SEPTIN10: variants seen among roughly 807,000 people sequenced by gnomAD.
SEPTIN10 encodes the protein septin 10.
A neutral mutation model predicts 54.8 loss-of-function variants in SEPTIN10; 66 were observed. That is an observed-to-expected ratio of 1.21 (90% CI 0.99 to 1.48). SEPTIN10 has a LOEUF of 1.48. Ranked by LOEUF, SEPTIN10 falls within the 40% of genes most tolerant of loss-of-function variation. The probability of loss-of-function intolerance (pLI) is 0.00; values close to 1 mark genes in which losing one functional copy is unlikely to be tolerated. For missense variants in SEPTIN10, 620 were observed against 545.6 expected (o/e 1.14, Z -1.36); for synonymous variants, 161 against 181.0 (o/e 0.89, Z 0.89).
intron 8 of SEPTIN10, among the ~76,000 whole-genome samples, chr2:109,558,892 CT>C (rs148332223): frequency 3.6e-4 from 53 of 147,642 alleles, no homozygotes; most frequent in African/African-American, 6.9e-4. Context: ...GATATAAATT[CT>C]TTTTTTTTTT....
At chr2:109,582,059 A>C in intron 4 of SEPTIN10, among the ~76,000 whole-genome samples, 1 of 146,200 alleles carries the variant, frequency 6.8e-6, no homozygotes, top group East Asian at 2.0e-4. Context: ...TCAAGAACAC[A>C]ATGCCATGTA....
At chr2:109,578,158 C>G (rs1400234879) in intron 4 of SEPTIN10, among the ~76,000 whole-genome samples, 1 of 151,696 alleles carries the variant, frequency 6.6e-6, no homozygotes, top group Non-Finnish European at 1.5e-5. Flanking sequence ...ACAGGAAACA[C>G]AAAAAAGATG....
chr2:109,571,851 A>T (rs1003656721), intron 5 of SEPTIN10, among the ~76,000 whole-genome samples: 7 of 152,206 alleles, frequency 4.6e-5, no homozygotes, highest in African/African-American at 1.7e-4. Context: ...TTTATTCCTG[A>T]AAATCCACTA....
intron 2 of SEPTIN10, among the ~76,000 whole-genome samples, chr2:109,592,564 G>A (rs1299876144): frequency 6.6e-6 from 1 of 151,970 alleles, no homozygotes; most frequent in Non-Finnish European, 1.5e-5. Flanking sequence ...CAGATCACTT[G>A]AGGTCAGGAG....
At chr2:109,602,300 C>T (rs1012862396) in intron 1 of SEPTIN10, among the ~76,000 whole-genome samples, 1 of 146,322 alleles carries the variant, frequency 6.8e-6, no homozygotes, top group African/African-American at 2.6e-5. Flanking sequence ...AGATTAAGGA[C>T]AATAAAATTA....
At chr2:109,613,412 AG>A in intron 1 of SEPTIN10, 1 of 324,058 alleles carries the variant, frequency 3.1e-6, no homozygotes, top group East Asian at 7.4e-5. Context: ...GAGGCTCGGA[AG>A]TGCTCACGGC....
chr2:109,565,981 C>T, intron 6 of SEPTIN10, 122 bp from the exon 7 acceptor site: 1 of 868,352 alleles, frequency 1.2e-6, no homozygotes, highest in Non-Finnish European at 1.9e-6. Context: ...GAATGGTCAG[C>T]TATGCCTCAG....
chr2:109,566,666 A>G (rs1687113498), intron 6 of SEPTIN10, among the ~76,000 whole-genome samples: 1 of 152,108 alleles, frequency 6.6e-6, no homozygotes, highest in African/African-American at 2.4e-5. Flanking sequence ...GAGAGGAGTG[A>G]GAGATCACTA....
chr2:109,566,232 T>G (rs1267387515), intron 6 of SEPTIN10, among the ~76,000 whole-genome samples: 1 of 152,088 alleles, frequency 6.6e-6, no homozygotes, highest in South Asian at 2.1e-4. Context: ...GTGATTCTCC[T>G]ACCTCAGCCT....
At chr2:109,548,711 G>A (rs1681989359) in intron 9 of SEPTIN10, among the ~76,000 whole-genome samples, 1 of 141,034 alleles carries the variant, frequency 7.1e-6, no homozygotes, top group South Asian at 2.4e-4. Flanking sequence ...GGGAGGCCGA[G>A]GTTGCAGTGA....
At chr2:109,564,705 T>C (rs191470654) in intron 7 of SEPTIN10, among the ~76,000 whole-genome samples, 171 bp from the exon 8 acceptor site, 1 of 152,218 alleles carries the variant, frequency 6.6e-6, no homozygotes, top group African/African-American at 2.4e-5. Context: ...GAAGAAACTC[T>C]TGCAGTATAA....
At chr2:109,589,324 G>A (rs986827687) in intron 2 of SEPTIN10, among the ~76,000 whole-genome samples, 1 of 152,070 alleles carries the variant, frequency 6.6e-6, no homozygotes, top group African/African-American at 2.4e-5. Context: ...CTTGAGGCCA[G>A]GAGTTTGAAA....
chr2:109,575,994 C>T (rs927487771), intron 4 of SEPTIN10, among the ~76,000 whole-genome samples: 2 of 152,122 alleles, frequency 1.3e-5, no homozygotes, highest in Non-Finnish European at 1.5e-5. Context: ...CAGTGGCTCA[C>T]ATCTGTAATC....
intron 5 of SEPTIN10, among the ~76,000 whole-genome samples, chr2:109,572,852 T>C (rs1414907194): frequency 1.3e-5 from 2 of 152,122 alleles, no homozygotes; most frequent in African/African-American, 4.8e-5. Context: ...CCTGACCTTG[T>C]GATCCGCCTG....
intron 10 of SEPTIN10, chr2:109,544,701 T>A: frequency 1.2e-6 from 1 of 858,624 alleles, no homozygotes; most frequent in South Asian, 5.4e-5. Flanking sequence ...ATCCAAAGCA[T>A]GTTGAAAAGC....
intron 1 of SEPTIN10, among the ~76,000 whole-genome samples, chr2:109,599,228 C>T (rs1696024417): frequency 6.6e-6 from 1 of 151,984 alleles, no homozygotes; most frequent in Non-Finnish European, 1.5e-5. Flanking sequence ...GAGGCCAAGA[C>T]CGGTGGATCA....
intron 4 of SEPTIN10, among the ~76,000 whole-genome samples, chr2:109,580,357 A>G (rs1690822997): frequency 6.6e-6 from 1 of 151,832 alleles, no homozygotes. Context: ...TGCAAAAAAA[A>G]AAAAAAAATC....
chr2:109,574,367 G>A (rs1438826133), intron 5 of SEPTIN10, among the ~76,000 whole-genome samples: 1 of 147,112 alleles, frequency 6.8e-6, no homozygotes, highest in Non-Finnish European at 1.5e-5. Context: ...GATCGTTTGA[G>A]CCCACGGGTT....
Position 109,584,274 on chromosome 2 carries a change from C to A in SEPTIN10, c.413+852G>T, listed in dbSNP as rs1027678784. Among the ~76,000 whole-genome samples, 9 of 147,818 alleles carry A rather than the reference C, an allele frequency of 6.1e-5. No individual in the cohort carries two copies. In the Admixed American group the frequency reaches 6.2e-4, roughly 10 times the overall value. ...GGTAGATCACCTGAGGTCAGGAGGTCGAGACCAGCCTGGCCAACAAGGTGA... is the reference window on the plus strand; with the variant it reads ...GGTAGATCACCTGAGGTCAGGAGGTAGAGACCAGCCTGGCCAACAAGGTGA... On this transcript the variant is annotated intron_variant, in intron 4 of 10. Transcript: ENST00000397712.
Sources: gnomAD v4.1 joint callset for allele counts (sites outside exome capture counted in the v4.1 genomes callset) on GRCh38, gnomAD v4.1.1 for gene constraint, MANE v1.5 for transcripts, NCBI Gene and HGNC (gene_info 2026-07-23, HGNC 2026-07-21) for gene names.